SRGAP3: variants seen among roughly 807,000 people sequenced by gnomAD.
The protein encoded by SRGAP3 is SLIT-ROBO Rho GTPase activating protein 3.
Under a neutral mutation model 121.1 loss-of-function variants are expected in SRGAP3, and 39 were observed. That is an observed-to-expected ratio of 0.32 (90% CI 0.25 to 0.42). The LOEUF (loss-of-function observed/expected upper bound fraction) is 0.42, where lower values mean the gene tolerates loss of function less well. SRGAP3 is among the 10% of genes least tolerant of loss of function. The pLI is 1.00. For synonymous variants in SRGAP3, 601 were observed against 570.0 expected (o/e 1.05, Z -0.77); for missense variants, 1,213 against 1,470.6 (o/e 0.82, Z 2.86).
chr3:9,043,778 T>A (rs1369490621), intron 10 of SRGAP3, among the ~76,000 whole-genome samples: 1 of 152,204 alleles, frequency 6.6e-6, no homozygotes, highest in Non-Finnish European at 1.5e-5. Context: ...TGCTCTGTGA[T>A]GGGCAATTAA....
intron 2 of SRGAP3, among the ~76,000 whole-genome samples, chr3:9,326,991 T>C (rs1328692342): frequency 6.6e-6 from 1 of 151,840 alleles, no homozygotes; most frequent in African/African-American, 2.4e-5. Flanking sequence ...GCTTTTTCTT[T>C]TGTAGTTTAC....
chr3:9,158,859 G>T (rs545858759), intron 1 of SRGAP3, among the ~76,000 whole-genome samples: 4 of 152,114 alleles, frequency 2.6e-5, no homozygotes, highest in Admixed American at 1.3e-4. Context: ...GCATGGGAAG[G>T]CCTCAGCTGC....
chr3:9,102,830 GGCTCA>G (rs1414135209), intron 3 of SRGAP3, among the ~76,000 whole-genome samples: 1 of 152,112 alleles, frequency 6.6e-6, no homozygotes. Flanking sequence ...CTTGTCCCAG[GGCTCA>G]GCTCAGGAAA....
chr3:9,287,560 C>T (rs1347331826), intron 3 of SRGAP3, among the ~76,000 whole-genome samples: 1 of 152,104 alleles, frequency 6.6e-6, no homozygotes, highest in Non-Finnish European at 1.5e-5. Context: ...ACAATGGCCA[C>T]ACATGAACTC....
rs1314998967 is a variant in SRGAP3, at chr3:9,015,697, T to C, written c.1713A>G (p.Arg571=). ...EDPLVDDQNE[R]DINSVAGVLK... is the part of the protein sequence containing the mutation. ...AAACACCAGCGACTGAATTGATATC[T>C]CGTTCATTTTGATCGTCCACAAGGG... Residue 571 remains arginine, a synonymous_variant, in exon 15 of 22, where the codon CGA becomes CGG. Transcript: ENST00000383836. The C allele has an allele frequency of 4.3e-6, 7 of 1,614,200 alleles. No individual in the cohort carries two copies. In the Admixed American group the frequency reaches 1.2e-4, roughly 27 times the overall value.
intron 1 of SRGAP3, among the ~76,000 whole-genome samples, chr3:9,228,746 A>T (rs1392782714): frequency 6.6e-6 from 1 of 152,230 alleles, no homozygotes; most frequent in East Asian, 1.9e-4. Context: ...AAGGAGGGTG[A>T]TGTTGACACC....
intron 1 of SRGAP3, chr3:9,216,818 G>C (rs1006798963): frequency 5.9e-5 from 9 of 152,570 alleles, no homozygotes; most frequent in African/African-American, 1.9e-4. Context: ...CATACAATGG[G>C]ATATTACTCC....
At chr3:9,038,745 A>C (rs1036168374) in intron 10 of SRGAP3, among the ~76,000 whole-genome samples, 2 of 152,116 alleles carry the variant, frequency 1.3e-5, no homozygotes, top group Non-Finnish European at 1.5e-5. Context: ...CAAAGCCCAG[A>C]CCTTCTCCTT....
intron 1 of SRGAP3, among the ~76,000 whole-genome samples, chr3:9,343,197 C>T (rs1313376229): frequency 6.6e-6 from 1 of 152,238 alleles, no homozygotes; most frequent in Non-Finnish European, 1.5e-5. Flanking sequence ...AAAGCCAAAA[C>T]CCCAAGTTTC....
chr3:9,223,976 C>T (rs117189275), intron 1 of SRGAP3, among the ~76,000 whole-genome samples: 13 of 152,154 alleles, frequency 8.5e-5, no homozygotes, highest in Non-Finnish European at 1.6e-4. Flanking sequence ...GGAGTGAAAT[C>T]GGCTCCAGAT....
intron 1 of SRGAP3, among the ~76,000 whole-genome samples, chr3:9,234,587 T>A (rs138881049): frequency 9.7e-4 from 147 of 152,298 alleles, no homozygotes; most frequent in African/African-American, 3.4e-3. Flanking sequence ...CTTGAATCTC[T>A]CAGCGAGAAC....
chr3:9,177,079 G>C (rs1389202170), intron 1 of SRGAP3, among the ~76,000 whole-genome samples: 2 of 152,116 alleles, frequency 1.3e-5, no homozygotes, highest in African/African-American at 4.8e-5. Context: ...TCAGAGACTG[G>C]CTCTAGGGAA....
At chr3:9,301,371 T>C (rs1159529868) in intron 3 of SRGAP3, among the ~76,000 whole-genome samples, 1 of 152,184 alleles carries the variant, frequency 6.6e-6, no homozygotes, top group Non-Finnish European at 1.5e-5. Flanking sequence ...ATGGGTGGCC[T>C]TGAGGTTCAG....
In SRGAP3 at chr3:9,092,497, G is replaced by A. The variant is rs1323572953; in HGVS notation, c.423+12183C>T. Among the ~76,000 whole-genome samples the A allele has an allele frequency of 2.6e-5, 4 of 151,928 alleles. No homozygotes were observed. In the East Asian group the frequency reaches 7.7e-4, roughly 29 times the overall value. On this transcript the variant is annotated intron_variant, in intron 3 of 21. Transcript: ENST00000383836. ...TAAGCCTAAGATCAGCCCTTTATTC[G>A]AGGCACTATTGTTGAACCTATTTTG...
chr3:9,205,065 C>T lies in SRGAP3; in HGVS notation c.67+43820G>A, dbSNP rs563409054. Among the ~76,000 whole-genome samples, 8 of 152,308 alleles carry T rather than the reference C, an allele frequency of 5.3e-5. No individual in the cohort carries two copies. The South Asian group carries it at 1.7e-3, about 32-fold the overall frequency. Reference sequence around the variant, plus strand: ...AGCTCTGGGAGAGACAATCTCCCTTCGGATCCCAGACCCAGGAAGGGGCAC... The same window carrying T: ...AGCTCTGGGAGAGACAATCTCCCTTTGGATCCCAGACCCAGGAAGGGGCAC... On this transcript the variant is annotated intron_variant, in intron 1 of 21. Coordinates refer to ENST00000383836, the MANE Select transcript of SRGAP3 (RefSeq NM_014850.4).
intron 3 of SRGAP3, among the ~76,000 whole-genome samples, chr3:9,319,561 A>G (rs1955407507): frequency 6.6e-6 from 1 of 151,930 alleles, no homozygotes; most frequent in Non-Finnish European, 1.5e-5. Flanking sequence ...CCAGGGACTA[A>G]GAAGTCAAGA....
chr3:8,999,656 G>A (rs542227383), intron 18 of SRGAP3, among the ~76,000 whole-genome samples: 37 of 152,232 alleles, frequency 2.4e-4, no homozygotes, highest in Admixed American at 1.9e-3. Context: ...TCTCTTCTCC[G>A]TCATCTTCCC....
chr3:9,224,118 C>T (rs549252606), intron 1 of SRGAP3, among the ~76,000 whole-genome samples: 331 of 152,242 alleles, frequency 2.2e-3, no homozygotes, highest in African/African-American at 7.8e-3. Flanking sequence ...ACACCATGCC[C>T]GCAGCCCTTC....
chr3:9,003,435 T>C (rs182912), intron 18 of SRGAP3, among the ~76,000 whole-genome samples: 124,176 of 151,964 alleles, frequency 0.82, 51,488 homozygotes, highest in African/African-American at 0.94. Context: ...GCCAAGATTG[T>C]GCCACTGCAC....
Sources: allele counts gnomAD v4.1 joint callset (sites outside exome capture counted in the v4.1 genomes callset), GRCh38; gene constraint gnomAD v4.1.1; transcripts MANE v1.5; gene names NCBI Gene and HGNC (gene_info 2026-07-23, HGNC 2026-07-21).